Variants in BRI3BP observed in about 807,000 individuals in gnomAD.
BRI3BP encodes the protein BRI3 binding protein.
Under a neutral mutation model 15.8 loss-of-function variants are expected in BRI3BP, and 7 were observed. The ratio of observed to expected loss-of-function variants is 0.44; its 90% CI spans 0.25 to 0.83. The LOEUF is 0.83. BRI3BP is among the 40% of genes least tolerant of loss of function. BRI3BP has a pLI of 0.20. For synonymous variants in BRI3BP, 192 were observed against 163.5 expected (o/e 1.17, Z -1.33); for missense variants, 320 against 339.3 (o/e 0.94, Z 0.45).
intron 1 of BRI3BP, among the ~76,000 whole-genome samples, chr12:125,002,403 A>T (rs1594528043): frequency 6.7e-6 from 1 of 149,656 alleles, no homozygotes; most frequent in South Asian, 2.1e-4. Flanking sequence ...ATCTTGGCAG[A>T]CGTGAAGTAG....
intron 1 of BRI3BP, among the ~76,000 whole-genome samples, chr12:125,011,608 G>T (rs149128838): frequency 5.9e-5 from 9 of 152,166 alleles, no homozygotes; most frequent in African/African-American, 2.2e-4. Flanking sequence ...CTAAGGAAGG[G>T]TTCCTCCGGA....
intron 1 of BRI3BP, among the ~76,000 whole-genome samples, chr12:125,003,541 C>G (rs181799700): frequency 1.3e-5 from 2 of 152,184 alleles, no homozygotes; most frequent in Non-Finnish European, 2.9e-5. Context: ...TTACTTCTTT[C>G]CTTCCTAAAT....
At chr12:125,005,107 C>T (rs1955130035) in intron 1 of BRI3BP, among the ~76,000 whole-genome samples, 2 of 152,238 alleles carry the variant, frequency 1.3e-5, no homozygotes, top group African/African-American at 4.8e-5. Flanking sequence ...CATGGCCTCC[C>T]AAAATGCTGG....
In BRI3BP at chr12:124,994,671, C is replaced by T. The variant is rs150782945; in HGVS notation, c.213+668C>T. Among the ~76,000 whole-genome samples, 777 of 152,238 alleles carry T rather than the reference C, an allele frequency of 5.1e-3. 7 individuals carry two copies. Among genetic ancestry groups the T allele is most frequent in the African/African-American group, 0.018 (742 of 41,546 alleles). ...CCCAGGAGGATCGCAGGGGGTTTTC[C>T]CCAATTCCTGCTCTCTGGAGCTAGG... On this transcript the variant is annotated intron_variant, in intron 1 of 2. Transcript: ENST00000341446.
chr12:125,009,533 A>G (rs1330765185), intron 1 of BRI3BP, among the ~76,000 whole-genome samples: 1 of 151,370 alleles, frequency 6.6e-6, no homozygotes, highest in East Asian at 1.9e-4. Flanking sequence ...CAGGTGATCT[A>G]CTCGCCTCGG....
intron 1 of BRI3BP, among the ~76,000 whole-genome samples, chr12:125,008,392 A>G (rs1217460424): frequency 6.9e-6 from 1 of 145,776 alleles, no homozygotes; most frequent in Non-Finnish European, 1.5e-5. Context: ...GGCTCACTGC[A>G]AGCTCCGCCT....
At chr12:125,006,440 G>A (rs1452657215) in intron 1 of BRI3BP, among the ~76,000 whole-genome samples, 1 of 152,194 alleles carries the variant, frequency 6.6e-6, no homozygotes, top group East Asian at 1.9e-4. Flanking sequence ...TCTTTCCACC[G>A]TGAGAAAGAA....
the BRI3BP span, among the ~76,000 whole-genome samples, chr12:125,049,061 C>T: frequency 3.3e-5 from 5 of 152,242 alleles, no homozygotes; most frequent in Admixed American, 2.6e-4. Flanking sequence ...CGGGTTCAAG[C>T]GATTCTCCTC....
chr12:124,997,724 C>T lies in BRI3BP; in HGVS notation c.213+3721C>T, dbSNP rs1490081683. Among the ~76,000 whole-genome samples, 3 of 152,136 alleles carry T rather than the reference C, an allele frequency of 2.0e-5. No individual in the cohort carries two copies. The East Asian group carries it at 5.8e-4, about 29-fold the overall frequency. On this transcript the variant is annotated intron_variant, in intron 1 of 2. Transcript: ENST00000341446. The stretch of plus-strand genomic sequence containing the variant: ...TAAGTGATGCCCTGGCATGGTGGCT[C>T]ACACCTGTAATCCCAGCACTTAGGG...
chr12:125,008,979 AT>A (rs113107414), intron 1 of BRI3BP, among the ~76,000 whole-genome samples: 2,708 of 145,198 alleles, frequency 0.019, 27 homozygotes, highest in South Asian at 0.041. Context: ...TCCTATGAAA[AT>A]TTTTTTTTTT....
chr12:125,044,430 T>C, the BRI3BP span, among the ~76,000 whole-genome samples: 1 of 150,600 alleles, frequency 6.6e-6, no homozygotes, highest in Non-Finnish European at 1.5e-5. Context: ...ATTACAGGTG[T>C]GAGTCACCAT....
chr12:125,025,527 A>C lies in BRI3BP; in HGVS notation c.*97A>C. ...CCCAAACCCCAAACAATCTTAATAA[A>C]CACGACTGAGCAAGAAAGTGGCGCT... On this transcript the variant is annotated 3_prime_UTR_variant, in exon 3 of 3. Transcript: ENST00000341446. The C allele has an allele frequency of 8.0e-7, 1 of 1,246,934 alleles. No individual in the cohort carries two copies. Among genetic ancestry groups the C allele is most frequent in the Non-Finnish European group, 1.1e-6 (1 of 926,288 alleles). 77.2% of individuals were successfully genotyped at this position (1,246,934 alleles called of 1,614,324 possible).
the BRI3BP span, among the ~76,000 whole-genome samples, chr12:125,045,226 T>C: frequency 6.6e-6 from 1 of 152,146 alleles, no homozygotes; most frequent in Non-Finnish European, 1.5e-5. Context: ...AAAACTGGCA[T>C]CTAAGGGTCA....
At chr12:125,010,658 C>T (rs1318880305) in intron 1 of BRI3BP, among the ~76,000 whole-genome samples, 1 of 151,990 alleles carries the variant, frequency 6.6e-6, no homozygotes, top group Admixed American at 6.6e-5. Flanking sequence ...TGCCTGTAGT[C>T]GCAGCTACTC....
At chr12:125,049,604 G>C in the BRI3BP span, among the ~76,000 whole-genome samples, 66 of 152,258 alleles carry the variant, frequency 4.3e-4, no homozygotes, top group East Asian at 0.012. Flanking sequence ...GCCCGGCACT[G>C]GCCTTGGTCG....
intron 2 of BRI3BP, among the ~76,000 whole-genome samples, chr12:125,017,019 A>T (rs1303653380): frequency 0.016 from 2,000 of 121,372 alleles, 45 homozygotes; most frequent in African/African-American, 0.052. Flanking sequence ...TATTATTATT[A>T]TTATTTTTTT....
rs919180287 is a variant in BRI3BP, at chr12:125,027,740, T to G, written c.*2310T>G. On this transcript the variant is annotated 3_prime_UTR_variant, in exon 3 of 3. Transcript: ENST00000341446. ...AGTCTCACTGTCAACCAGGCTGGAG[T>G]GCAGTGGCACCATCTCGGCTCACTG... 4 of 151,658 alleles carry G rather than the reference T, an allele frequency of 2.6e-5. No homozygotes were observed. Among genetic ancestry groups the G allele is most frequent in the Non-Finnish European group, 1.5e-5 (1 of 67,926 alleles). The allele number at this position is 151,658 out of a possible 1,614,324, so 9.4% of individuals were successfully genotyped here.
downstream of BRI3BP, among the ~76,000 whole-genome samples, chr12:125,034,878 G>A (rs148504100): frequency 0.028 from 4,273 of 152,192 alleles, 98 homozygotes; most frequent in Admixed American, 0.056. Context: ...GTGAACCACC[G>A]CGCCCGGCCC....
chr12:125,001,489 A>G (rs1468425719), intron 1 of BRI3BP, among the ~76,000 whole-genome samples: 1 of 152,126 alleles, frequency 6.6e-6, no homozygotes, highest in African/African-American at 2.4e-5. Context: ...CCTCCTGAGT[A>G]GCTGGGCTTA....
Sources: allele counts gnomAD v4.1 joint callset (sites outside exome capture counted in the v4.1 genomes callset), GRCh38; gene constraint gnomAD v4.1.1; transcripts MANE v1.5; gene names NCBI Gene and HGNC (gene_info 2026-07-23, HGNC 2026-07-21).